Variants in NME7 observed in about 807,000 individuals in gnomAD.
NME7 encodes the protein NME/NM23 family member 7, also known as nucleoside diphosphate kinase 7.
NME7 carries 41 observed loss-of-function variants against 49.1 expected under a neutral mutation model. That is an observed-to-expected ratio of 0.83 (90% confidence interval 0.65 to 1.08). The LOEUF (loss-of-function observed/expected upper bound fraction) is 1.08. NME7 is among the 50% of genes least tolerant of loss of function. NME7 has a pLI of 0.00. For missense variants in NME7, 423 were observed against 463.4 expected, an observed-to-expected ratio of 0.91 and a Z score of 0.80; for synonymous variants, 139 against 150.6, an observed-to-expected ratio of 0.92 and a Z score of 0.56.
At chr1:169,146,691 T>C (rs575189318) in intron 11 of NME7, among the ~76,000 whole-genome samples, 2 of 152,282 alleles carry the variant, frequency 1.3e-5, no homozygotes, top group Non-Finnish European at 2.9e-5. Context: ...TTCCCTTCCT[T>C]CCACAGCCAT....
At chr1:169,194,146 T>G (rs1055155326) in intron 10 of NME7, among the ~76,000 whole-genome samples, 5 of 151,412 alleles carry the variant, frequency 3.3e-5, no homozygotes, top group African/African-American at 9.7e-5. Context: ...AATAAAAACA[T>G]AGAGATTAAA....
intron 10 of NME7, among the ~76,000 whole-genome samples, chr1:169,196,577 A>G (rs1216280606): frequency 6.6e-6 from 1 of 152,236 alleles, no homozygotes; most frequent in Non-Finnish European, 1.5e-5. Context: ...TTAGAAAAGA[A>G]CCACAGTGTA....
intron 10 of NME7, among the ~76,000 whole-genome samples, chr1:169,217,319 T>C (rs1452144152): frequency 2.0e-5 from 3 of 152,174 alleles, no homozygotes. Flanking sequence ...GCATTTGATA[T>C]TTGGCTAGTT....
intron 10 of NME7, among the ~76,000 whole-genome samples, chr1:169,180,620 T>C (rs1215762252): frequency 6.6e-6 from 1 of 152,212 alleles, no homozygotes; most frequent in Non-Finnish European, 1.5e-5. Flanking sequence ...TCTTCTCCTA[T>C]AATTACCAAT....
Position 169,350,222 on chromosome 1 carries a change from AAAAG to A in NME7, c.3+17482_3+17485del, listed in dbSNP as rs1259098419. On this transcript the variant is annotated intron_variant, in intron 1 of 11. Transcript: ENST00000367811. ...AAGGAAAGAAAGGAAAGAAAGGGAGAAAAGAAAGAAAGAAAGAAAGAAAGAAGGA... is the reference window on the plus strand; with the variant it reads ...AAGGAAAGAAAGGAAAGAAAGGGAGAAAAGAAAGAAAGAAAGAAAGAAGGA... 1.1e-3 allele frequency among the ~76,000 whole-genome samples: 113 copies of A among 105,820 alleles called. 15 individuals carry two copies. In the Middle Eastern group the frequency reaches 0.018, roughly 17 times the overall value. 69.4% of individuals were successfully genotyped at this position (105,820 alleles called of 152,430 possible).
intron 7 of NME7, among the ~76,000 whole-genome samples, chr1:169,257,266 G>A (rs1648986250): frequency 7.4e-6 from 1 of 134,710 alleles, no homozygotes; most frequent in South Asian, 2.3e-4. Context: ...TAATCTCGTG[G>A]TGCGCCATTT....
chr1:169,278,060 TTAGTCTGA>T lies in NME7; in HGVS notation c.754+9235_754+9242del, dbSNP rs1649819116. On this transcript the variant is annotated intron_variant, in intron 7 of 11. Coordinates refer to ENST00000367811, the MANE Select transcript of NME7 (RefSeq NM_013330.5). Reference sequence around the variant, plus strand: ...AGAGTTTCTGCCGAGAGATCCGCTGTTAGTCTGATGGGCTTCCCTTTGTGGGTAACCCG... The same window carrying T: ...AGAGTTTCTGCCGAGAGATCCGCTGTTGGGCTTCCCTTTGTGGGTAACCCG... Among the ~76,000 whole-genome samples, 3 of 151,966 alleles carry T rather than the reference TTAGTCTGA, an allele frequency of 2.0e-5. No individual in the cohort carries two copies. The South Asian group carries it at 6.3e-4, about 32-fold the overall frequency.
chr1:169,232,517 A>G (rs1381080884), intron 9 of NME7, among the ~76,000 whole-genome samples: 1 of 151,060 alleles, frequency 6.6e-6, no homozygotes, highest in Non-Finnish European at 1.5e-5. Context: ...AAAATTAGCT[A>G]AAAACAAAAA....
At chr1:169,296,095 C>T (rs1022330761) in intron 6 of NME7, among the ~76,000 whole-genome samples, 2 of 152,066 alleles carry the variant, frequency 1.3e-5, no homozygotes, top group African/African-American at 4.8e-5. Flanking sequence ...AAAATTGATA[C>T]TACTTTTCTT....
intron 10 of NME7, among the ~76,000 whole-genome samples, chr1:169,186,742 G>A (rs929582925): frequency 5.3e-5 from 8 of 151,812 alleles, no homozygotes; most frequent in East Asian, 1.9e-4. Context: ...AGGGTTTTTC[G>A]TGTCTCTATC....
chr1:169,295,429 C>G (rs1435305196), intron 6 of NME7, among the ~76,000 whole-genome samples: 1 of 152,002 alleles, frequency 6.6e-6, no homozygotes. Flanking sequence ...TTCAGTTCAG[C>G]CTCAATTATT....
Position 169,237,628 on chromosome 1 carries a change from G to C in NME7, c.814C>G (p.Gln272Glu). 6.2e-7 allele frequency: 1 copy of C among 1,607,320 alleles called. No homozygotes were observed. Among genetic ancestry groups the C allele is most frequent in the Non-Finnish European group, 8.5e-7 (1 of 1,174,930 alleles). The change falls in exon 8 of 12, where the codon CAG (glutamine) becomes GAG (glutamate). Residue 272 changes from glutamine to glutamate, a missense_variant. Coordinates refer to ENST00000367811, the MANE Select transcript of NME7 (RefSeq NM_013330.5). ...RDAGFEISAM[Q>E]MFNMDRVNVE... The stretch of plus-strand genomic sequence containing the variant: ...GTTCATTGTAAACTACCTACCATCT[G>C]CATAGCTGAGATTTCAAAACCTGCA...
chr1:169,254,083 G>A (rs1416815542), intron 7 of NME7, among the ~76,000 whole-genome samples: 1 of 146,890 alleles, frequency 6.8e-6, no homozygotes, highest in Non-Finnish European at 1.5e-5. Context: ...CTCATAAAAT[G>A]AGTTAGGGAG....
intron 10 of NME7, among the ~76,000 whole-genome samples, chr1:169,177,610 G>C (rs1659790841): frequency 6.6e-6 from 1 of 151,982 alleles, no homozygotes; most frequent in Non-Finnish European, 1.5e-5. Context: ...AACACAGCAA[G>C]ACCCTGTCTC....
intron 7 of NME7, among the ~76,000 whole-genome samples, chr1:169,280,517 A>C (rs1395150797): frequency 1.3e-5 from 2 of 148,426 alleles, no homozygotes; most frequent in Non-Finnish European, 2.9e-5. Flanking sequence ...TGTTTTAGAC[A>C]TAAAGTCTTT....
At chr1:169,190,387 T>C (rs1201303472) in intron 10 of NME7, among the ~76,000 whole-genome samples, 2 of 151,304 alleles carry the variant, frequency 1.3e-5, no homozygotes, top group African/African-American at 4.8e-5. Context: ...TTATAATATA[T>C]ATATAAAAAG....
intron 11 of NME7, among the ~76,000 whole-genome samples, chr1:169,157,390 T>C (rs1659109371): frequency 6.6e-6 from 1 of 152,220 alleles, no homozygotes; most frequent in Non-Finnish European, 1.5e-5. Context: ...CTGAGCCACA[T>C]GACCATGCCA....
intron 9 of NME7, among the ~76,000 whole-genome samples, chr1:169,234,719 A>G (rs1647786639): frequency 6.6e-6 from 1 of 152,106 alleles, no homozygotes; most frequent in Non-Finnish European, 1.5e-5. Flanking sequence ...CTGACTCTAC[A>G]GAGGGGGAAG....
chr1:169,331,015 A>G (rs1652235805), intron 1 of NME7, among the ~76,000 whole-genome samples: 1 of 152,180 alleles, frequency 6.6e-6, no homozygotes. Context: ...AAATAAATAA[A>G]TAAAACTACA....
Sources: allele counts gnomAD v4.1 joint callset (sites outside exome capture counted in the v4.1 genomes callset), GRCh38; gene constraint gnomAD v4.1.1; transcripts MANE v1.5; gene names NCBI Gene and HGNC (gene_info 2026-07-23, HGNC 2026-07-21).